Variants in POU6F2 observed in about 807,000 individuals in gnomAD.
POU6F2 encodes POU domain, class 6, transcription factor 2.
POU6F2 carries 31 observed loss-of-function variants against 71.3 expected under a neutral mutation model. That is an observed-to-expected ratio of 0.43 (90% CI 0.33 to 0.59). The LOEUF (loss-of-function observed/expected upper bound fraction) is 0.59. POU6F2 is among the 20% of genes least tolerant of loss of function. The pLI is 0.04. For missense variants in POU6F2, 783 were observed against 856.8 expected, an observed-to-expected ratio of 0.91 and a Z score of 1.07; for synonymous variants, 347 against 355.7, an observed-to-expected ratio of 0.98 and a Z score of 0.27.
At chr7:39,134,279 T>C (rs1231455061) in intron 2 of POU6F2, among the ~76,000 whole-genome samples, 1 of 152,194 alleles carries the variant, frequency 6.6e-6, no homozygotes, top group African/African-American at 2.4e-5. Flanking sequence ...TTTTAGCATA[T>C]ATGAGAATCA....
intron 4 of POU6F2, among the ~76,000 whole-genome samples, chr7:39,326,812 A>C (rs1425824239): frequency 6.6e-6 from 1 of 152,208 alleles, no homozygotes; most frequent in East Asian, 1.9e-4. Flanking sequence ...CATAACAATG[A>C]TGCTTTCCCA....
At chr7:39,015,979 A>ATTG (rs1789513193) in intron 1 of POU6F2, among the ~76,000 whole-genome samples, 3 of 36,132 alleles carry the variant, frequency 8.3e-5, no homozygotes, top group African/African-American at 4.3e-4. Context: ...TATATTATAT[A>ATTG]TAGATATATA....
chr7:39,107,905 C>G (rs1331408123), intron 2 of POU6F2, among the ~76,000 whole-genome samples: 1 of 152,152 alleles, frequency 6.6e-6, no homozygotes, highest in Non-Finnish European at 1.5e-5. Context: ...ATTCTCTCTC[C>G]CCTTCCTTTG....
rs144872056 is a variant in POU6F2 at position 39,156,089 on chromosome 7, A to G, written c.278-48146A>G. Among the ~76,000 whole-genome samples, 308 of 152,308 alleles carry G rather than the reference A, an allele frequency of 2.0e-3. 1 individual carries two copies. The highest frequency in any genetic ancestry group is 3.6e-3 in the Non-Finnish European group (243 of 68,030). ...TTGGCTGATAGAGACATAATGACCT[A>G]AGAAAATGTCTATATCTCTCTCTAA... On this transcript the variant is annotated intron_variant, in intron 2 of 9. Transcript: ENST00000518318.
chr7:39,386,928 A>C (rs946982931), intron 5 of POU6F2, among the ~76,000 whole-genome samples: 1 of 152,200 alleles, frequency 6.6e-6, no homozygotes, highest in Non-Finnish European at 1.5e-5. Flanking sequence ...GCCCCCTTGC[A>C]TTGGGCTCAT....
At chr7:39,302,564 G>C (rs907937344) in intron 4 of POU6F2, among the ~76,000 whole-genome samples, 1 of 152,160 alleles carries the variant, frequency 6.6e-6, no homozygotes, top group Non-Finnish European at 1.5e-5. Flanking sequence ...GAAGATAGAG[G>C]CTATGTCTTA....
intron 1 of POU6F2, among the ~76,000 whole-genome samples, chr7:39,026,997 C>T (rs1351968233): frequency 6.6e-6 from 1 of 152,012 alleles, no homozygotes; most frequent in Non-Finnish European, 1.5e-5. Context: ...GACTGGTTTT[C>T]CCTCTATTTT....
intron 4 of POU6F2, among the ~76,000 whole-genome samples, chr7:39,288,265 A>T (rs536616988): frequency 8.5e-5 from 13 of 152,272 alleles, no homozygotes; most frequent in African/African-American, 2.6e-4. Context: ...CATCTTTGCA[A>T]TAAGACAGAC....
Position 38,993,695 on chromosome 7 carries a change from T to A in POU6F2, c.105+15637T>A, listed in dbSNP as rs541000760. Among the ~76,000 whole-genome samples the A allele has an allele frequency of 3.6e-5, 5 of 139,124 alleles. No individual in the cohort carries two copies. The South Asian group carries it at 1.1e-3, about 31-fold the overall frequency. 91.3% of individuals were successfully genotyped at this position (139,124 alleles called of 152,430 possible). ...TTTAATAGTATATGGAAACCTTTTT[T>A]TTTGGTCTTTTCACAAGAAGTCAAA... On this transcript the variant is annotated intron_variant, in intron 1 of 9. Coordinates refer to ENST00000518318, the MANE Select transcript of POU6F2 (RefSeq NM_001370959.1).
chr7:39,458,883 A>T (rs894773441), intron 8 of POU6F2, among the ~76,000 whole-genome samples: 1 of 152,112 alleles, frequency 6.6e-6, no homozygotes, highest in African/African-American at 2.4e-5. Flanking sequence ...TGACCAGACT[A>T]TATGGCTCCT....
At chr7:39,288,358 C>T (rs1416633279) in intron 4 of POU6F2, among the ~76,000 whole-genome samples, 1 of 152,192 alleles carries the variant, frequency 6.6e-6, no homozygotes, top group Non-Finnish European at 1.5e-5. Context: ...ACATCCTCAG[C>T]TGTCACAGGG....
At chr7:39,253,208 G>C (rs534399870) in intron 4 of POU6F2, among the ~76,000 whole-genome samples, 5 of 152,374 alleles carry the variant, frequency 3.3e-5, no homozygotes, top group Non-Finnish European at 7.3e-5. Flanking sequence ...GAGCTACATG[G>C]AAGGGTGGTT....
intron 4 of POU6F2, among the ~76,000 whole-genome samples, chr7:39,333,092 C>T (rs1279229365): frequency 6.6e-6 from 1 of 152,176 alleles, no homozygotes; most frequent in Non-Finnish European, 1.5e-5. Context: ...GGACTTGCCA[C>T]CTCTGAGTGC....
chr7:39,262,373 C>T (rs1389391386), intron 4 of POU6F2, among the ~76,000 whole-genome samples: 1 of 152,104 alleles, frequency 6.6e-6, no homozygotes, highest in African/African-American at 2.4e-5. Context: ...CCTGACAAGC[C>T]CAAGTCCCAG....
chr7:39,246,111 A>G (rs1340593083), intron 4 of POU6F2, among the ~76,000 whole-genome samples: 1 of 152,188 alleles, frequency 6.6e-6, no homozygotes, highest in East Asian at 1.9e-4. Flanking sequence ...GTCACCTGCT[A>G]CTACCTTTTA....
At chr7:39,431,376 C>T (rs1290736809) in intron 6 of POU6F2, among the ~76,000 whole-genome samples, 1 of 152,240 alleles carries the variant, frequency 6.6e-6, no homozygotes, top group Non-Finnish European at 1.5e-5. Flanking sequence ...TCTTGCAATT[C>T]TCCTGTGGTT....
intron 4 of POU6F2, among the ~76,000 whole-genome samples, chr7:39,242,699 T>C (rs1783750102): frequency 6.6e-6 from 1 of 152,114 alleles, no homozygotes; most frequent in South Asian, 2.1e-4. Context: ...ATACCATATT[T>C]GTTCTAACAA....
intron 4 of POU6F2, among the ~76,000 whole-genome samples, chr7:39,254,550 C>G (rs1783982786): frequency 6.6e-6 from 1 of 152,168 alleles, no homozygotes; most frequent in South Asian, 2.1e-4. Context: ...CCACCAGGAA[C>G]CAATGTCACG....
At chr7:39,118,437 A>G (rs1169878768) in intron 2 of POU6F2, among the ~76,000 whole-genome samples, 1 of 152,192 alleles carries the variant, frequency 6.6e-6, no homozygotes, top group Non-Finnish European at 1.5e-5. Flanking sequence ...CCTCAACAAC[A>G]TAAGATACTA....
Sources: gnomAD v4.1 joint callset for allele counts (sites outside exome capture counted in the v4.1 genomes callset) on GRCh38, gnomAD v4.1.1 for gene constraint, MANE v1.5 for transcripts, NCBI Gene and HGNC (gene_info 2026-07-23, HGNC 2026-07-21) for gene names.